The following SLCO5A1 variants were observed in gnomAD, a reference collection of about 807,000 sequenced individuals.
SLCO5A1 encodes organic anion transporter polypeptide-related protein 4.
In SLCO5A1, 39 loss-of-function variants were observed where a neutral mutation model predicts 65.1. The observed-to-expected ratio is 0.60, with a 90% confidence interval of 0.46 to 0.78. The LOEUF is 0.78. SLCO5A1 is among the 30% of genes least tolerant of loss of function. SLCO5A1 has a pLI of 0.00. For synonymous variants in SLCO5A1, 438 were observed against 415.7 expected (o/e 1.05, Z -0.65); for missense variants, 1,029 against 1,069.4 (o/e 0.96, Z 0.53).
intron 2 of SLCO5A1, chr8:69,794,403 A>T: frequency 2.2e-6 from 1 of 448,322 alleles, no homozygotes; most frequent in Non-Finnish European, 4.4e-6. Context: ...TTTAGACACC[A>T]TCAGGGTCCA....
chr8:69,827,949 T>A (rs1325983644), intron 2 of SLCO5A1, among the ~76,000 whole-genome samples: 1 of 152,176 alleles, frequency 6.6e-6, no homozygotes, highest in African/African-American at 2.4e-5. Flanking sequence ...ACGTGGCACA[T>A]CCTGCGGTTA....
In SLCO5A1 at chr8:69,688,369, G is replaced by A. The variant is rs1814090981; in HGVS notation, c.1623-6026C>T. Among the ~76,000 whole-genome samples the A allele has an allele frequency of 3.3e-5, 5 of 151,668 alleles. No individual in the cohort carries two copies. In the South Asian group the frequency reaches 6.3e-4, roughly 19 times the overall value. Reference sequence around the variant, plus strand: ...TTATTATTATACTTTAAGTTTTAGGGTACATGTGCACAATGTGCAGGTTAG... The same window carrying A: ...TTATTATTATACTTTAAGTTTTAGGATACATGTGCACAATGTGCAGGTTAG... On this transcript the variant is annotated intron_variant, in intron 6 of 9. Transcript: ENST00000260126.
chr8:69,769,839 A>G (rs1016794271), intron 2 of SLCO5A1, among the ~76,000 whole-genome samples: 5 of 152,168 alleles, frequency 3.3e-5, no homozygotes, highest in Non-Finnish European at 7.3e-5. Context: ...CTGTTGCTAT[A>G]ATTATTTTAA....
At chr8:69,679,671 G>T (rs1813686647) in intron 7 of SLCO5A1, 52 bp from the exon 8 acceptor site, 2 of 1,590,844 alleles carry the variant, frequency 1.3e-6, no homozygotes, top group Non-Finnish European at 1.7e-6. Flanking sequence ...GCTAACTGTG[G>T]CATAAGAATA....
At chr8:69,716,827 T>C (rs1815564518) in intron 5 of SLCO5A1, among the ~76,000 whole-genome samples, 1 of 151,456 alleles carries the variant, frequency 6.6e-6, no homozygotes. Flanking sequence ...TCACCCAGGC[T>C]GGAGTACAGT....
chr8:69,823,419 G>A (rs564225522), intron 2 of SLCO5A1, among the ~76,000 whole-genome samples: 26 of 152,250 alleles, frequency 1.7e-4, no homozygotes, highest in Middle Eastern at 3.4e-3. Flanking sequence ...CAAAATAAAA[G>A]GATGGAGGAA....
At chr8:69,734,811 C>G (rs1399464763) in intron 5 of SLCO5A1, among the ~76,000 whole-genome samples, 4 of 152,056 alleles carry the variant, frequency 2.6e-5, no homozygotes, top group Non-Finnish European at 5.9e-5. Context: ...ATATATTTCT[C>G]AATTCCCCAT....
intron 2 of SLCO5A1, among the ~76,000 whole-genome samples, chr8:69,829,583 T>C (rs544249825): frequency 6.6e-6 from 1 of 152,146 alleles, no homozygotes; most frequent in Non-Finnish European, 1.5e-5. Context: ...GAGGCTGAGG[T>C]GGGAGGATTG....
intron 6 of SLCO5A1, among the ~76,000 whole-genome samples, chr8:69,684,203 A>T (rs2130791555): frequency 6.6e-6 from 1 of 152,340 alleles, no homozygotes. Context: ...ATATTATTCT[A>T]GACTAGTGGG....
chr8:69,744,422 C>G (rs969862404), intron 4 of SLCO5A1, among the ~76,000 whole-genome samples: 1 of 152,332 alleles, frequency 6.6e-6, no homozygotes, highest in African/African-American at 2.4e-5. Context: ...AAATGTCAAA[C>G]TCATCCATCA....
intron 5 of SLCO5A1, among the ~76,000 whole-genome samples, chr8:69,725,724 T>G (rs2130830785): frequency 6.6e-6 from 1 of 152,350 alleles, no homozygotes; most frequent in African/African-American, 2.4e-5. Context: ...AGAAAGTTTT[T>G]ATTCATTCCT....
intron 2 of SLCO5A1, among the ~76,000 whole-genome samples, chr8:69,773,612 G>C (rs1168803252): frequency 6.6e-6 from 1 of 152,220 alleles, no homozygotes; most frequent in Non-Finnish European, 1.5e-5. Context: ...AGAATTCAGT[G>C]AAAGAAACAC....
At chr8:69,775,402 A>G (rs1359079904) in intron 2 of SLCO5A1, among the ~76,000 whole-genome samples, 4 of 152,214 alleles carry the variant, frequency 2.6e-5, no homozygotes. Context: ...AGATTGGCAC[A>G]TGTATCCATA....
Position 69,793,247 on chromosome 8 carries a change from G to C in SLCO5A1, c.908-31372C>G, listed in dbSNP as rs539201031. Among the ~76,000 whole-genome samples, 3 of 152,234 alleles carry C rather than the reference G, an allele frequency of 2.0e-5. No individual in the cohort carries two copies. The East Asian group carries it at 5.8e-4, about 29-fold the overall frequency. ...GATCCACCTGCCTGGGCCTCCCAAA[G>C]TGCTGGGATTACAGGCGTGAGCCAT... On this transcript the variant is annotated intron_variant, in intron 2 of 9. Coordinates refer to ENST00000260126, the MANE Select transcript of SLCO5A1 (RefSeq NM_030958.3).
At chr8:69,762,905 T>C (rs565080351) in intron 2 of SLCO5A1, among the ~76,000 whole-genome samples, 43 of 152,324 alleles carry the variant, frequency 2.8e-4, no homozygotes, top group African/African-American at 9.6e-4. Context: ...CAACCACAGA[T>C]GAACCAGAAA....
intron 5 of SLCO5A1, among the ~76,000 whole-genome samples, chr8:69,731,324 T>C (rs991729402): frequency 1.3e-5 from 2 of 152,240 alleles, no homozygotes; most frequent in African/African-American, 4.8e-5. Context: ...TTGTCATTAC[T>C]TTCAACAGCA....
intron 2 of SLCO5A1, among the ~76,000 whole-genome samples, chr8:69,766,501 G>A (rs1818063175): frequency 6.6e-6 from 1 of 151,950 alleles, no homozygotes; most frequent in Non-Finnish European, 1.5e-5. Context: ...GTGTGCACAT[G>A]TGTGTGTTTG....
At chr8:69,803,805 A>G (rs1338227153) in intron 2 of SLCO5A1, among the ~76,000 whole-genome samples, 1 of 152,180 alleles carries the variant, frequency 6.6e-6, no homozygotes, top group Non-Finnish European at 1.5e-5. Flanking sequence ...TGGGCAACAT[A>G]GCAAGATTCT....
At chr8:69,779,558 G>T (rs1314813226) in intron 2 of SLCO5A1, among the ~76,000 whole-genome samples, 2 of 152,038 alleles carry the variant, frequency 1.3e-5, no homozygotes, top group Admixed American at 1.3e-4. Context: ...CTACCTTTCA[G>T]AAACTACACT....
Sources: allele counts gnomAD v4.1 joint callset (sites outside exome capture counted in the v4.1 genomes callset), GRCh38; gene constraint gnomAD v4.1.1; transcripts MANE v1.5; gene names NCBI Gene and HGNC (gene_info 2026-07-23, HGNC 2026-07-21).